The following PRKN variants were observed in gnomAD, a reference collection of about 807,000 sequenced individuals.
PRKN encodes E3 ubiquitin-protein ligase parkin.
In PRKN, 56 loss-of-function variants were observed where a neutral mutation model predicts 59.5. The observed-to-expected ratio is 0.94, with a 90% CI of 0.76 to 1.18. PRKN has a LOEUF of 1.18. PRKN is among the 50% of genes most tolerant of loss of function. The pLI is 0.00. For missense variants in PRKN, 657 were observed against 596.4 expected (o/e 1.10, Z -1.06); for synonymous variants, 250 against 222.1 (o/e 1.13, Z -1.12).
intron 4 of PRKN, among the ~76,000 whole-genome samples, chr6:162,199,686 G>T (rs1019254693): frequency 6.6e-6 from 1 of 152,114 alleles, no homozygotes; most frequent in African/African-American, 2.4e-5. Context: ...AAAGAGCCCC[G>T]TGGGCATCAT....
rs77408727 is a variant in PRKN, at chr6:161,773,387, A to C, written c.871+12385T>G. On this transcript the variant is annotated intron_variant, in intron 7 of 11. Coordinates refer to ENST00000366898, the MANE Select transcript of PRKN (RefSeq NM_004562.3). ...AATGCATACATTCAAAAATTGTGCC[A>C]ACTGCTGACGAGGCAGGGGGAAAGA... Among the ~76,000 whole-genome samples, 1,067 of 152,306 alleles carry C rather than the reference A, an allele frequency of 7.0e-3. 12 individuals are homozygous for C. The highest frequency in any genetic ancestry group is 0.024 in the African/African-American group (994 of 41,558).
At chr6:161,921,717 C>T (rs1272374277) in intron 6 of PRKN, among the ~76,000 whole-genome samples, 1 of 152,122 alleles carries the variant, frequency 6.6e-6, no homozygotes, top group African/African-American at 2.4e-5. Flanking sequence ...CCTGCTTCAC[C>T]CGTAAAGGAA....
intron 2 of PRKN, among the ~76,000 whole-genome samples, chr6:162,387,572 A>C (rs1017070148): frequency 1.2e-4 from 16 of 138,012 alleles, no homozygotes; most frequent in Non-Finnish European, 2.4e-4. Flanking sequence ...AGAGAGAGAG[A>C]GAGAGAGAGA....
chr6:162,366,597 G>A (rs1722713137), intron 2 of PRKN, among the ~76,000 whole-genome samples: 1 of 152,082 alleles, frequency 6.6e-6, no homozygotes, highest in Admixed American at 6.6e-5. Flanking sequence ...TACCTATAAA[G>A]TGGTGTTTAT....
intron 7 of PRKN, among the ~76,000 whole-genome samples, chr6:161,687,475 T>C (rs1033297327): frequency 6.7e-6 from 1 of 150,004 alleles, no homozygotes; most frequent in Admixed American, 6.6e-5. Context: ...AAAATGTATG[T>C]TTTGAGATAG....
At chr6:162,140,111 G>A (rs896249426) in intron 4 of PRKN, among the ~76,000 whole-genome samples, 1 of 152,146 alleles carries the variant, frequency 6.6e-6, no homozygotes, top group South Asian at 2.1e-4. Flanking sequence ...TTAGCTATTA[G>A]AATAAAAGCA....
intron 2 of PRKN, among the ~76,000 whole-genome samples, chr6:162,377,833 T>C (rs1432556694): frequency 1.3e-5 from 2 of 152,230 alleles, no homozygotes; most frequent in Non-Finnish European, 2.9e-5. Flanking sequence ...GAGCTTGGCA[T>C]GTTTTGGTTA....
chr6:161,730,792 A>G (rs1337362272), intron 7 of PRKN, among the ~76,000 whole-genome samples: 3 of 97,704 alleles, frequency 3.1e-5, no homozygotes, highest in African/African-American at 1.2e-4. Flanking sequence ...TGCATTCTGA[A>G]GTGTTGCATT....
chr6:162,689,256 GA>G (rs1777681650), intron 1 of PRKN, among the ~76,000 whole-genome samples: 1 of 152,100 alleles, frequency 6.6e-6, no homozygotes, highest in Admixed American at 6.5e-5. Flanking sequence ...CATTCTTACT[GA>G]AAGAAGTTAA....
At chr6:161,580,097 A>T (rs1781278382) in intron 7 of PRKN, among the ~76,000 whole-genome samples, 1 of 152,244 alleles carries the variant, frequency 6.6e-6, no homozygotes, top group Non-Finnish European at 1.5e-5. Context: ...TTAAAAGACA[A>T]CTAATAGCTT....
intron 7 of PRKN, among the ~76,000 whole-genome samples, chr6:161,639,495 T>C (rs183872649): frequency 3.2e-4 from 49 of 152,224 alleles, no homozygotes; most frequent in African/African-American, 1.1e-3. Context: ...AAAAGGAGTG[T>C]TTGAAATTTG....
chr6:161,461,542 T>C lies in PRKN; in HGVS notation c.1084-74665A>G, dbSNP rs1263027080. 6.6e-6 allele frequency among the ~76,000 whole-genome samples: 1 copy of C among 151,910 alleles called. No individual in the cohort carries two copies. Among genetic ancestry groups the C allele is most frequent in the Non-Finnish European group, 1.5e-5 (1 of 67,998 alleles). On this transcript the variant is annotated intron_variant, in intron 9 of 11. Coordinates refer to ENST00000366898, the MANE Select transcript of PRKN (RefSeq NM_004562.3). The surrounding 1 kb of genome is among the most constrained non-coding windows in gnomAD (Gnocchi z 5.1). ...GTAAAGAGTGGGGACCCTGAGTTAA[T>C]AGGAAAGAGGAGGTGGATGCAGGAA...
chr6:162,478,349 G>A (rs1005918471), intron 1 of PRKN, among the ~76,000 whole-genome samples: 3 of 152,072 alleles, frequency 2.0e-5, no homozygotes, highest in East Asian at 1.9e-4. Context: ...CTGAAACTCC[G>A]CTTAAACACT....
chr6:161,834,459 T>C (rs988340127), intron 6 of PRKN, among the ~76,000 whole-genome samples: 10 of 152,226 alleles, frequency 6.6e-5, no homozygotes, highest in African/African-American at 9.6e-5. Context: ...TAACTAGGCA[T>C]TGTTATTATT....
Position 162,345,313 on chromosome 6 carries a change from G to C in PRKN, c.172-82548C>G, listed in dbSNP as rs374017743. 3.3e-5 allele frequency among the ~76,000 whole-genome samples: 5 copies of C among 152,178 alleles called. No individual in the cohort carries two copies. The South Asian group carries it at 8.3e-4, about 25-fold the overall frequency. ...CAGAAAGCTGCCCAAGGGTAGGCTT[G>C]AAGCAAAATAAATTAAGAAACCCAT... On this transcript the variant is annotated intron_variant, in intron 2 of 11. Coordinates refer to ENST00000366898, the MANE Select transcript of PRKN (RefSeq NM_004562.3).
At chr6:161,411,287 T>G (rs1035021514) in intron 9 of PRKN, among the ~76,000 whole-genome samples, 3 of 152,128 alleles carry the variant, frequency 2.0e-5, no homozygotes, top group Non-Finnish European at 4.4e-5. Flanking sequence ...ACTGTCCTTG[T>G]GGTAGTGAAT....
chr6:162,404,231 G>A (rs1562737748), intron 2 of PRKN, among the ~76,000 whole-genome samples: 1 of 151,902 alleles, frequency 6.6e-6, no homozygotes, highest in African/African-American at 2.4e-5. Flanking sequence ...ATTAGCCGAT[G>A]TGGTGGCATG....
intron 7 of PRKN, among the ~76,000 whole-genome samples, chr6:161,634,188 A>T (rs1382281262): frequency 6.6e-6 from 1 of 152,206 alleles, no homozygotes; most frequent in African/African-American, 2.4e-5. Context: ...AGAGACAGAA[A>T]GCACATCCCC....
At chr6:162,362,419 T>A (rs916613371) in intron 2 of PRKN, among the ~76,000 whole-genome samples, 1 of 152,114 alleles carries the variant, frequency 6.6e-6, no homozygotes. Context: ...GTAATAGTAA[T>A]GCACTGAGAT....
Sources: allele counts gnomAD v4.1 joint callset (sites outside exome capture counted in the v4.1 genomes callset), GRCh38; gene constraint gnomAD v4.1.1; non-coding constraint Gnocchi (gnomAD v3.1); transcripts MANE v1.5; gene names NCBI Gene and HGNC (gene_info 2026-07-23, HGNC 2026-07-21).